The following EGFLAM variants were observed in gnomAD, a reference collection of about 807,000 sequenced individuals.
EGFLAM encodes EGF like, fibronectin type III and laminin G domains.
In EGFLAM, 79 loss-of-function variants were observed where a neutral mutation model predicts 113.1. That is an observed-to-expected ratio of 0.70 (90% CI 0.58 to 0.84). The LOEUF (loss-of-function observed/expected upper bound fraction) is 0.84, where lower values mean the gene tolerates loss of function less well. Among genes scored for constraint, EGFLAM ranks in the 40% least tolerant of loss-of-function variants. The probability of loss-of-function intolerance (pLI) is 0.00; values close to 1 mark genes in which losing one functional copy is unlikely to be tolerated. For synonymous variants in EGFLAM, 504 were observed against 487.6 expected (o/e 1.03, Z -0.44); for missense variants, 1,265 against 1,291.6 (o/e 0.98, Z 0.32).
intron 5 of EGFLAM, among the ~76,000 whole-genome samples, chr5:38,357,608 A>G (rs1739796637): frequency 6.6e-6 from 1 of 152,130 alleles, no homozygotes; most frequent in African/African-American, 2.4e-5. Context: ...AAAGGTCCTT[A>G]TTATTATACA....
At chr5:38,276,211 TACTC>T (rs1430294088) in intron 1 of EGFLAM, among the ~76,000 whole-genome samples, 1 of 152,080 alleles carries the variant, frequency 6.6e-6, no homozygotes, top group African/African-American at 2.4e-5. Flanking sequence ...TTATGAGACT[TACTC>T]ACTATCACGA....
chr5:38,408,149 A>G (rs1561074128), intron 9 of EGFLAM, among the ~76,000 whole-genome samples: 1 of 152,228 alleles, frequency 6.6e-6, no homozygotes, highest in Non-Finnish European at 1.5e-5. Context: ...AGTAGCTGGC[A>G]TGAAGATTGC....
At chr5:38,284,763 G>A (rs763655526) in intron 1 of EGFLAM, among the ~76,000 whole-genome samples, 13 of 152,208 alleles carry the variant, frequency 8.5e-5, no homozygotes, top group Admixed American at 3.3e-4. Flanking sequence ...TAGAGAAAGT[G>A]CAGTGGAGTT....
At chr5:38,331,404 C>T (rs1739038392) in intron 1 of EGFLAM, among the ~76,000 whole-genome samples, 1 of 152,118 alleles carries the variant, frequency 6.6e-6, no homozygotes, top group South Asian at 2.1e-4. Context: ...CCTATTCATC[C>T]CTTGCTCTCT....
chr5:38,297,665 A>G lies in EGFLAM; in HGVS notation c.97+38814A>G, dbSNP rs1032640678. Among the ~76,000 whole-genome samples, 4 of 152,320 alleles carry G rather than the reference A, an allele frequency of 2.6e-5. No individual in the cohort carries two copies. In the East Asian group the frequency reaches 5.8e-4, roughly 22 times the overall value. ...GACCCTGAGCCTGTCCTCGGCAGCA[A>G]TTACCTGGTCTTTAAAGTCACACTT... On this transcript the variant is annotated intron_variant, in intron 1 of 21. Coordinates refer to ENST00000322350, the MANE Select transcript of EGFLAM (RefSeq NM_152403.4).
At chr5:38,458,151 C>G in intron 19 of EGFLAM, among the ~76,000 whole-genome samples, 160 bp from the exon 20 acceptor site, 1 of 152,154 alleles carries the variant, frequency 6.6e-6, no homozygotes, top group Non-Finnish European at 1.5e-5. Context: ...ATGAACCAGC[C>G]TAGAAACCCA....
chr5:38,450,477 C>G (rs1742877223), intron 18 of EGFLAM, among the ~76,000 whole-genome samples: 1 of 152,224 alleles, frequency 6.6e-6, no homozygotes, highest in Non-Finnish European at 1.5e-5. Flanking sequence ...AGGGATGGCT[C>G]AAGTGACTAG....
rs1012897297 is a variant in EGFLAM, at chr5:38,318,805, C to G, written c.98-18715C>G. On this transcript the variant is annotated intron_variant, in intron 1 of 21. Coordinates refer to ENST00000322350, the MANE Select transcript of EGFLAM (RefSeq NM_152403.4). ...AGGCATGAGCCACCATGCTTGCCCT[C>G]TGGTGTTTTAATGTGATTCTCTCTT... 2.6e-5 allele frequency among the ~76,000 whole-genome samples: 4 copies of G among 152,124 alleles called. No individual in the cohort carries two copies. In the South Asian group the frequency reaches 8.3e-4, roughly 32 times the overall value.
chr5:38,350,363 C>T, intron 3 of EGFLAM, 138 bp from the exon 4 acceptor site: 1 of 777,876 alleles, frequency 1.3e-6, no homozygotes, highest in Middle Eastern at 2.7e-4. Context: ...AAAACTGGGC[C>T]AGTCCTAGAC....
chr5:38,276,781 A>G (rs1757898237), intron 1 of EGFLAM, among the ~76,000 whole-genome samples: 1 of 152,184 alleles, frequency 6.6e-6, no homozygotes, highest in Non-Finnish European at 1.5e-5. Flanking sequence ...AGAGACTCCT[A>G]TAAATAATTA....
At chr5:38,444,477 A>G (rs781521915) in intron 17 of EGFLAM, among the ~76,000 whole-genome samples, 2 of 152,224 alleles carry the variant, frequency 1.3e-5, no homozygotes, top group African/African-American at 2.4e-5. Context: ...TTCCCAGCAC[A>G]AAGAAATGAT....
In EGFLAM at chr5:38,328,375, G is replaced by A. The variant is rs188495091; in HGVS notation, c.98-9145G>A. On this transcript the variant is annotated intron_variant, in intron 1 of 21. Coordinates refer to ENST00000322350, the MANE Select transcript of EGFLAM (RefSeq NM_152403.4). Reference sequence around the variant, plus strand: ...CACTGGGGATTGCAATTCGACATGCGGGGACACAGATCCAAACCATATTAG... The same window carrying A: ...CACTGGGGATTGCAATTCGACATGCAGGGACACAGATCCAAACCATATTAG... 3.3e-5 allele frequency among the ~76,000 whole-genome samples: 5 copies of A among 152,240 alleles called. No homozygotes were observed. In the South Asian group the frequency reaches 8.3e-4, roughly 25 times the overall value.
intron 11 of EGFLAM, among the ~76,000 whole-genome samples, chr5:38,414,623 C>G (rs1741583910): frequency 6.6e-6 from 1 of 152,130 alleles, no homozygotes; most frequent in Non-Finnish European, 1.5e-5. Context: ...GGATCACATT[C>G]TAAGAAGGCT....
At chr5:38,436,239 G>A (rs1314000301) in intron 16 of EGFLAM, among the ~76,000 whole-genome samples, 14 of 152,170 alleles carry the variant, frequency 9.2e-5, no homozygotes, top group Admixed American at 7.2e-4. Flanking sequence ...CCAAACACTG[G>A]GAGAACAAGG....
At chr5:38,259,243 G>A (rs996310547) in intron 1 of EGFLAM, among the ~76,000 whole-genome samples, 2 of 152,120 alleles carry the variant, frequency 1.3e-5, no homozygotes, top group Non-Finnish European at 2.9e-5. Flanking sequence ...CCAGAGCCCA[G>A]CCATTTCCTG....
chr5:38,446,753 CCTTT>C (rs1288758344), intron 17 of EGFLAM, among the ~76,000 whole-genome samples: 1 of 152,140 alleles, frequency 6.6e-6, no homozygotes, highest in Non-Finnish European at 1.5e-5. Context: ...TTCCTCTCTT[CCTTT>C]CTTTTTTAGT....
At chr5:38,395,977 T>C (rs542351672) in intron 6 of EGFLAM, among the ~76,000 whole-genome samples, 3 of 152,246 alleles carry the variant, frequency 2.0e-5, no homozygotes, top group African/African-American at 7.2e-5. Context: ...CCTCTCCTTA[T>C]GCTCACAACC....
At chr5:38,337,721 C>T in intron 2 of EGFLAM, 92 bp downstream of exon 2, 1 of 1,065,234 alleles carries the variant, frequency 9.4e-7, no homozygotes. Flanking sequence ...TCTGTCCTTC[C>T]ATATCAATAA....
chr5:38,316,897 G>A (rs1010671974), intron 1 of EGFLAM, among the ~76,000 whole-genome samples: 2 of 152,184 alleles, frequency 1.3e-5, no homozygotes, highest in Non-Finnish European at 2.9e-5. Context: ...CAAGAGACTT[G>A]CTGCTTTGGG....
Sources: allele counts gnomAD v4.1 joint callset (sites outside exome capture counted in the v4.1 genomes callset), GRCh38; gene constraint gnomAD v4.1.1; transcripts MANE v1.5; gene names NCBI Gene and HGNC (gene_info 2026-07-23, HGNC 2026-07-21).